Variants in CEP112 observed in about 807,000 individuals in gnomAD.
CEP112 encodes the protein centrosomal protein of 112 kDa.
In CEP112, 127 loss-of-function variants were observed where a neutral mutation model predicts 153.0. The ratio of observed to expected loss-of-function variants is 0.83; its 90% confidence interval spans 0.72 to 0.96. CEP112 has a LOEUF of 0.96. CEP112 is among the 40% of genes least tolerant of loss of function. CEP112 has a pLI of 0.00. For synonymous variants in CEP112, 358 were observed against 374.4 expected (o/e 0.96, Z 0.51); for missense variants, 1,089 against 1,101.2 (o/e 0.99, Z 0.16).
At chr17:65,824,832 C>T (rs114736519) in intron 21 of CEP112, among the ~76,000 whole-genome samples, 2,246 of 152,242 alleles carry the variant, frequency 0.015, 47 homozygotes, top group African/African-American at 0.051. Flanking sequence ...TTATTATAAA[C>T]AGTGTTGGCA....
intron 21 of CEP112, among the ~76,000 whole-genome samples, chr17:65,794,427 C>A (rs1243693659): frequency 1.3e-5 from 2 of 152,074 alleles, no homozygotes; most frequent in Non-Finnish European, 2.9e-5. Context: ...TTCCTTCCCT[C>A]TATAATGCAT....
At chr17:65,763,902 T>C (rs1196443242) in intron 21 of CEP112, among the ~76,000 whole-genome samples, 3 of 152,016 alleles carry the variant, frequency 2.0e-5, no homozygotes, top group Non-Finnish European at 4.4e-5. Context: ...GGACATGATG[T>C]ATTGGGTATA....
At chr17:65,862,606 T>C (rs1281322504) in intron 20 of CEP112, among the ~76,000 whole-genome samples, 2 of 151,986 alleles carry the variant, frequency 1.3e-5, no homozygotes, top group African/African-American at 4.8e-5. Flanking sequence ...AATAATAATA[T>C]GTTCCAATTC....
chr17:66,071,109 A>G (rs1254316572), intron 8 of CEP112, among the ~76,000 whole-genome samples: 1 of 152,200 alleles, frequency 6.6e-6, no homozygotes, highest in East Asian at 1.9e-4. Context: ...AATACACTTT[A>G]TATTTTCAAT....
chr17:65,696,656 A>G lies in CEP112; in HGVS notation c.2608-7438T>C, dbSNP rs537304820. Among the ~76,000 whole-genome samples, 3 of 152,302 alleles carry G rather than the reference A, an allele frequency of 2.0e-5. No individual in the cohort carries two copies. The South Asian group carries it at 6.2e-4, about 32-fold the overall frequency. Reference sequence around the variant, plus strand: ...AGTTTTAACAATAAGAAAAAGCCAGAGTATTTATACTGAAGATGCTGCCAA... The same window carrying G: ...AGTTTTAACAATAAGAAAAAGCCAGGGTATTTATACTGAAGATGCTGCCAA... On this transcript the variant is annotated intron_variant, in intron 23 of 26. Coordinates refer to ENST00000535342, the MANE Select transcript of CEP112 (RefSeq NM_001199165.4).
chr17:66,006,378 C>T (rs1031727963), intron 16 of CEP112, among the ~76,000 whole-genome samples: 4 of 152,076 alleles, frequency 2.6e-5, no homozygotes, highest in Non-Finnish European at 5.9e-5. Context: ...GAGGCCGAGG[C>T]AGGCGGATCA....
chr17:65,885,191 A>T (rs1353435191), intron 20 of CEP112, among the ~76,000 whole-genome samples: 2 of 152,176 alleles, frequency 1.3e-5, no homozygotes, highest in Non-Finnish European at 2.9e-5. Flanking sequence ...TATCTTGAGA[A>T]AATTTTCTAA....
chr17:66,008,649 T>C (rs2064377015), intron 16 of CEP112, among the ~76,000 whole-genome samples: 1 of 152,128 alleles, frequency 6.6e-6, no homozygotes, highest in Admixed American at 6.6e-5. Context: ...CAGCCTAAAC[T>C]AAAACTTTGT....
chr17:65,813,186 C>T (rs558798133), intron 21 of CEP112, among the ~76,000 whole-genome samples: 17 of 152,170 alleles, frequency 1.1e-4, no homozygotes, highest in Middle Eastern at 3.4e-3. Flanking sequence ...AATAATTCTT[C>T]GAGAAAAGGC....
intron 20 of CEP112, among the ~76,000 whole-genome samples, chr17:65,896,340 A>G (rs957580925): frequency 9.9e-5 from 15 of 152,076 alleles, no homozygotes; most frequent in Non-Finnish European, 2.9e-5. Flanking sequence ...ATTGTTTATA[A>G]TAGTTTAATC....
intron 4 of CEP112, among the ~76,000 whole-genome samples, chr17:66,140,897 T>G (rs2070667211): frequency 6.6e-6 from 1 of 152,126 alleles, no homozygotes; most frequent in African/African-American, 2.4e-5. Context: ...TCTGCCCGCC[T>G]CAGCCTCCCA....
At chr17:65,665,620 G>C (rs576477806) in intron 24 of CEP112, among the ~76,000 whole-genome samples, 71 of 152,320 alleles carry the variant, frequency 4.7e-4, no homozygotes, top group Non-Finnish European at 2.1e-4. Flanking sequence ...GGAGAATGGA[G>C]CCAACAATAA....
intron 6 of CEP112, among the ~76,000 whole-genome samples, chr17:66,111,350 T>G (rs1200616414): frequency 6.6e-6 from 1 of 152,190 alleles, no homozygotes; most frequent in African/African-American, 2.4e-5. Context: ...GCAACCCCAT[T>G]ACTGCATATA....
At chr17:66,177,140 A>C in intron 2 of CEP112, 120 bp from the exon 3 acceptor site, 1 of 756,662 alleles carries the variant, frequency 1.3e-6, no homozygotes, top group Non-Finnish European at 2.1e-6. Context: ...CTTTTCTGTT[A>C]AAGGCCAGAG....
chr17:65,887,539 C>T (rs1160518761), intron 20 of CEP112, among the ~76,000 whole-genome samples: 1 of 152,204 alleles, frequency 6.6e-6, no homozygotes, highest in Non-Finnish European at 1.5e-5. Context: ...CTGGTCAAAC[C>T]TGCAAGCATA....
chr17:66,042,953 T>C (rs1047250059), intron 12 of CEP112: 2 of 277,946 alleles, frequency 7.2e-6, no homozygotes, highest in African/African-American at 2.3e-5. Context: ...GAAATGGTGA[T>C]AGAAACTATA....
intron 10 of CEP112, among the ~76,000 whole-genome samples, chr17:66,065,905 A>G (rs1257260460): frequency 6.6e-6 from 1 of 152,174 alleles, no homozygotes; most frequent in Non-Finnish European, 1.5e-5. Flanking sequence ...CTGGGATTAC[A>G]GGCGTAAGCC....
chr17:66,177,953 C>T (rs537614023), intron 2 of CEP112, among the ~76,000 whole-genome samples: 1 of 152,208 alleles, frequency 6.6e-6, no homozygotes, highest in South Asian at 2.1e-4. Context: ...TTTCTTTATC[C>T]ATTTGTCTGT....
chr17:65,752,422 T>C (rs2051936471), intron 21 of CEP112, among the ~76,000 whole-genome samples: 1 of 152,154 alleles, frequency 6.6e-6, no homozygotes, highest in African/African-American at 2.4e-5. Context: ...ATCCTCCAGT[T>C]TCCTGCCAGG....
Sources: gnomAD v4.1 joint callset for allele counts (sites outside exome capture counted in the v4.1 genomes callset) on GRCh38, gnomAD v4.1.1 for gene constraint, MANE v1.5 for transcripts, NCBI Gene and HGNC (gene_info 2026-07-23, HGNC 2026-07-21) for gene names.